Variants in NR6A1 observed in about 807,000 individuals in gnomAD.
NR6A1 encodes the protein nuclear receptor subfamily 6 group A member 1, also known as retinoic acid receptor-related testis-associated receptor.
NR6A1 carries 7 observed loss-of-function variants against 59.1 expected under a neutral mutation model. The observed-to-expected ratio is 0.12, with a 90% CI of 0.07 to 0.22. The LOEUF (loss-of-function observed/expected upper bound fraction) is 0.22. Among genes scored for constraint, NR6A1 ranks in the 10% least tolerant of loss-of-function variants. NR6A1 has a pLI of 1.00. For synonymous variants in NR6A1, 243 were observed against 236.1 expected (o/e 1.03, Z -0.27); for missense variants, 468 against 611.6 (o/e 0.77, Z 2.48).
At chr9:124,705,648 T>C (rs1181723865) in intron 2 of NR6A1, among the ~76,000 whole-genome samples, 1 of 152,050 alleles carries the variant, frequency 6.6e-6, no homozygotes, top group Non-Finnish European at 1.5e-5. Context: ...AGATGGTACA[T>C]TCACATTTAA....
intron 3 of NR6A1, among the ~76,000 whole-genome samples, chr9:124,554,027 T>G (rs1024199261): frequency 6.6e-6 from 1 of 152,208 alleles, no homozygotes; most frequent in South Asian, 2.1e-4. Flanking sequence ...TTTCTACTTC[T>G]GTCATCATTC....
chr9:124,578,616 ATTTCATGACCATTTAGTCTAC>A, intron 2 of NR6A1, among the ~76,000 whole-genome samples: 1 of 152,132 alleles, frequency 6.6e-6, no homozygotes, highest in Admixed American at 6.5e-5. Context: ...ATCATCTCTC[ATTTCATGACCATTTAGTCTAC>A]TAAGTAGTCT....
In NR6A1 at chr9:124,522,648, G is replaced by C. The variant is rs1435167418; in HGVS notation, c.*57C>G. The C allele has an allele frequency of 3.5e-6, 5 of 1,420,128 alleles. No individual in the cohort carries two copies. Among genetic ancestry groups the C allele is most frequent in the Non-Finnish European group, 4.8e-6 (5 of 1,033,140 alleles). 88.0% of individuals were successfully genotyped at this position (1,420,128 alleles called of 1,614,324 possible). On this transcript the variant is annotated 3_prime_UTR_variant, in exon 10 of 10. Coordinates refer to ENST00000487099, the MANE Select transcript of NR6A1 (RefSeq NM_033334.4). Reference sequence around the variant, plus strand: ...GGTCTCTCTGGCTTTTCCCTCCAGAGCCTGTCCTGCCCACCCAAGACGCTG... The same window carrying C: ...GGTCTCTCTGGCTTTTCCCTCCAGACCCTGTCCTGCCCACCCAAGACGCTG...
At chr9:124,606,498 G>A (rs1835577993) in intron 2 of NR6A1, among the ~76,000 whole-genome samples, 2 of 151,750 alleles carry the variant, frequency 1.3e-5, no homozygotes. Flanking sequence ...TAATTCTATA[G>A]AAAGAGCTAA....
At chr9:124,728,561 G>A (rs1204113561) in intron 2 of NR6A1, among the ~76,000 whole-genome samples, 6 of 151,922 alleles carry the variant, frequency 3.9e-5, no homozygotes, top group African/African-American at 1.4e-4. Context: ...CTTGAACCCG[G>A]GAGGCAGAGT....
At chr9:124,684,465 C>T (rs1018881609) in intron 2 of NR6A1, among the ~76,000 whole-genome samples, 2 of 152,156 alleles carry the variant, frequency 1.3e-5, no homozygotes, top group Admixed American at 6.5e-5. Context: ...TCTGTAATGC[C>T]TTTGGCTTTT....
At chr9:124,732,541 G>T (rs1432739014) in intron 2 of NR6A1, among the ~76,000 whole-genome samples, 2 of 152,116 alleles carry the variant, frequency 1.3e-5, no homozygotes, top group African/African-American at 4.8e-5. Flanking sequence ...TTAACCATAA[G>T]ACCGTAAATG....
intron 1 of NR6A1, among the ~76,000 whole-genome samples, chr9:124,745,161 T>C (rs1308894089): frequency 6.6e-6 from 1 of 152,076 alleles, no homozygotes; most frequent in Non-Finnish European, 1.5e-5. Context: ...ATAAATGTTT[T>C]CCAAGAGTTT....
At chr9:124,730,687 GT>G (rs1839856476) in intron 2 of NR6A1, among the ~76,000 whole-genome samples, 2 of 150,256 alleles carry the variant, frequency 1.3e-5, no homozygotes, top group Non-Finnish European at 1.5e-5. Context: ...ATGAAGAAAT[GT>G]TTAATGAGCT....
intron 2 of NR6A1, among the ~76,000 whole-genome samples, chr9:124,667,015 C>A (rs909511342): frequency 3.3e-5 from 5 of 151,652 alleles, no homozygotes; most frequent in Admixed American, 6.6e-5. Flanking sequence ...TTACAAATTG[C>A]GAATATTACT....
chr9:124,728,188 G>A (rs932162274), intron 2 of NR6A1, among the ~76,000 whole-genome samples: 1 of 150,746 alleles, frequency 6.6e-6, no homozygotes, highest in Non-Finnish European at 1.5e-5. Context: ...CACCACACCT[G>A]GCTAATTTTT....
At chr9:124,613,619 CCACTTT>C (rs1835814720) in intron 2 of NR6A1, among the ~76,000 whole-genome samples, 1 of 152,148 alleles carries the variant, frequency 6.6e-6, no homozygotes, top group Non-Finnish European at 1.5e-5. Flanking sequence ...CGTGAGCAAG[CCACTTT>C]CACTCCAGCC....
chr9:124,760,000 A>G lies in NR6A1; in HGVS notation c.100+11020T>C, dbSNP rs144448915. Among the ~76,000 whole-genome samples, 655 of 150,832 alleles carry G rather than the reference A, an allele frequency of 4.3e-3. 5 individuals are homozygous for G. Among genetic ancestry groups the G allele is most frequent in the African/African-American group, 0.015 (612 of 41,026 alleles). On this transcript the variant is annotated intron_variant, in intron 1 of 9. Coordinates refer to ENST00000487099, the MANE Select transcript of NR6A1 (RefSeq NM_033334.4). ...GGTTGCACTGAGCCAAGATCGCACC[A>G]CTGCACTCCAACCTGGGTGACAGAG...
At chr9:124,734,679 C>T (rs1045622065) in intron 1 of NR6A1, among the ~76,000 whole-genome samples, 7 of 151,866 alleles carry the variant, frequency 4.6e-5, no homozygotes, top group Non-Finnish European at 7.4e-5. Context: ...GGCAACAGAG[C>T]GAGACGCTGT....
At chr9:124,753,006 T>C (rs747638376) in intron 1 of NR6A1, among the ~76,000 whole-genome samples, 7 of 152,266 alleles carry the variant, frequency 4.6e-5, no homozygotes, top group Admixed American at 1.3e-4. Context: ...CTGGTTCAAC[T>C]TCGAACAAAT....
At chr9:124,528,330 C>A (rs1832999467) in intron 7 of NR6A1, among the ~76,000 whole-genome samples, 1 of 152,150 alleles carries the variant, frequency 6.6e-6, no homozygotes, top group Non-Finnish European at 1.5e-5. Context: ...GGTTCTATAT[C>A]TCTGGGTTCC....
intron 4 of NR6A1, among the ~76,000 whole-genome samples, chr9:124,542,465 C>A (rs1833476607): frequency 6.6e-6 from 1 of 152,134 alleles, no homozygotes; most frequent in Admixed American, 6.6e-5. Flanking sequence ...CAGTAAATAT[C>A]TCTTGAGTCT....
At chr9:124,682,965 G>A (rs1250218930) in intron 2 of NR6A1, among the ~76,000 whole-genome samples, 1 of 152,146 alleles carries the variant, frequency 6.6e-6, no homozygotes, top group Non-Finnish European at 1.5e-5. Flanking sequence ...CAGCATTCTG[G>A]GAAGCTAAGG....
chr9:124,716,982 T>C (rs1489063414), intron 2 of NR6A1, among the ~76,000 whole-genome samples: 1 of 152,200 alleles, frequency 6.6e-6, no homozygotes. Context: ...AGATGACACA[T>C]GAATGACCAA....
Sources: gnomAD v4.1 joint callset for allele counts (sites outside exome capture counted in the v4.1 genomes callset) on GRCh38, gnomAD v4.1.1 for gene constraint, MANE v1.5 for transcripts, NCBI Gene and HGNC (gene_info 2026-07-23, HGNC 2026-07-21) for gene names.